The following IFNA5 variants were observed in gnomAD, a reference collection of about 807,000 sequenced individuals.
IFNA5 encodes interferon alpha-5.
For missense variants in IFNA5, 267 were observed against 213.8 expected (o/e 1.25, Z -1.55); for synonymous variants, 95 against 77.6 (o/e 1.22, Z -1.18).
Position 21,304,632 on chromosome 9 carries a change from G to C in IFNA5, c.*55C>G. 6.5e-7 allele frequency: 1 copy of C among 1,528,538 alleles called. No homozygotes were observed. The highest frequency in any genetic ancestry group is 8.8e-7 in the Non-Finnish European group (1 of 1,130,476). The allele number at this position is 1,528,538 out of a possible 1,614,324, so 94.7% of individuals were successfully genotyped here. A position where few individuals can be genotyped will look rare whatever the true frequency, so the allele number is the denominator to read the frequency against. ...TAATATTTGAAACGGCAGAACTCAA[G>C]AAGTGTGAAATGGTGTACTAGTCAA... On this transcript the variant is annotated 3_prime_UTR_variant, in exon 1 of 1. Coordinates refer to ENST00000610521, the MANE Select transcript of IFNA5 (RefSeq NM_002169.3).
Position 21,304,503 on chromosome 9 carries a change from C to A in IFNA5, c.*184G>T. 1 of 535,476 alleles carries A rather than the reference C, an allele frequency of 1.9e-6. No homozygotes were observed. Among genetic ancestry groups the A allele is most frequent in the Non-Finnish European group, 3.2e-6 (1 of 311,622 alleles). 33.2% of individuals were successfully genotyped at this position (535,476 alleles called of 1,614,324 possible). A position where few individuals can be genotyped will look rare whatever the true frequency, so the allele number is the denominator to read the frequency against. On this transcript the variant is annotated 3_prime_UTR_variant, in exon 1 of 1. Coordinates refer to ENST00000610521, the MANE Select transcript of IFNA5 (RefSeq NM_002169.3). ...GATAGAATAGATAGATTGGCATGAT[C>A]ATCTGTAAAGATTTTGTCCCTGTGG...
chr9:21,305,192 A>T lies in IFNA5; in HGVS notation c.65T>A (p.Leu22Gln), dbSNP rs773143683. 1.2e-6 allele frequency: 2 copies of T among 1,613,018 alleles called. No homozygotes were observed. Among genetic ancestry groups the T allele is most frequent in the Non-Finnish European group, 1.7e-6 (2 of 1,179,496 alleles). ...VVLNCKSICSLGCDLPQTHSL... is the reference protein window; with the variant it reads ...VVLNCKSICSQGCDLPQTHSL... The stretch of plus-strand genomic sequence containing the variant: ...GTGGGTCTGAGGCAGATCACAGCCC[A>T]GAGAACAGATTGACTTGCAGTTGAG... The change falls in exon 1 of 1, where the codon CTG becomes CAG. Residue 22 changes from leucine (L) to glutamine (Q), a missense_variant. Transcript: ENST00000610521.
rs772052257 is a variant in IFNA5 at position 21,305,189 on chromosome 9, C to A, written c.68G>T (p.Gly23Val). The change falls in exon 1 of 1, where the codon GGC (glycine) becomes GTC (valine). Residue 23 changes from glycine (G) to valine (V), a missense_variant. Physicochemically the swap from Gly to Val is moderately radical, Grantham distance 109. Transcript: ENST00000610521. ...VLNCKSICSL[G>V]CDLPQTHSLS... ...GCTGTGGGTCTGAGGCAGATCACAG[C>A]CCAGAGAACAGATTGACTTGCAGTT... 6.2e-7 allele frequency: 1 copy of A among 1,612,948 alleles called. No homozygotes were observed. Among genetic ancestry groups the A allele is most frequent in the Non-Finnish European group, 8.5e-7 (1 of 1,179,452 alleles).
chr9:21,304,615 G>T lies in IFNA5; in HGVS notation c.*72C>A. Reference sequence around the variant, plus strand: ...ATGGATATAGCAGAAATTAATATTTGAAACGGCAGAACTCAAGAAGTGTGA... The same window carrying T: ...ATGGATATAGCAGAAATTAATATTTTAAACGGCAGAACTCAAGAAGTGTGA... On this transcript the variant is annotated 3_prime_UTR_variant, in exon 1 of 1. Transcript: ENST00000610521. 6.7e-7 allele frequency: 1 copy of T among 1,483,956 alleles called. No individual in the cohort carries two copies. The highest frequency in any genetic ancestry group is 9.1e-7 in the Non-Finnish European group (1 of 1,098,908). The allele number at this position is 1,483,956 out of a possible 1,614,324, so 91.9% of individuals were successfully genotyped here.
At position 21,304,997 on chromosome 9, in the gene IFNA5, G is replaced by A. The variant is rs751142857; in HGVS notation, c.260C>T (p.Thr87Ile). Residue 87 changes from threonine to isoleucine, a missense_variant, in exon 1 of 1, where the codon ACC becomes ATC. By Grantham distance (89) the Thr-to-Ile change is moderately conservative (BLOSUM62 -1). Coordinates refer to ENST00000610521, the MANE Select transcript of IFNA5 (RefSeq NM_002169.3). ...GTCCTTTGTGCTGAAGAGATTGAAG[G>A]TCTGCTGGATCATCTCATGGAGGAC... Reference protein sequence around the residue: ...ISVLHEMIQQTFNLFSTKDSS... With the variant: ...ISVLHEMIQQIFNLFSTKDSS... 3.7e-6 allele frequency: 6 copies of A among 1,614,048 alleles called. No individual in the cohort carries two copies. The African/African-American group carries it at 5.3e-5, about 14-fold the overall frequency.
rs1336153752 is a variant in IFNA5 at position 21,304,943 on chromosome 9, A to G, written c.314T>C (p.Leu105Pro). 9 of 1,614,062 alleles carry G rather than the reference A, an allele frequency of 5.6e-6. No individual in the cohort carries two copies. Among genetic ancestry groups the G allele is most frequent in the Non-Finnish European group, 7.6e-6 (9 of 1,180,052 alleles). Residue 105 changes from leucine (L) to proline (P), a missense_variant, in exon 1 of 1, where the codon CTA (leucine) becomes CCA (proline). Physicochemically the swap from Leu to Pro is moderately conservative, Grantham distance 98. Transcript: ENST00000610521. ...DSSATWDETLLDKFYTELYQQ... is the reference protein window; with the variant it reads ...DSSATWDETLPDKFYTELYQQ... ...GTAAAGTTCAGTGTAGAATTTGTCT[A>G]GAAGTGTCTCATCCCAAGTAGCAGA...
At position 21,304,718 on chromosome 9, in the gene IFNA5, T is replaced by A. The variant is rs1335529160; in HGVS notation, c.539A>T (p.Asn180Ile). Reference protein sequence around the residue: ...EIMRSFSLSANLQERLRRKE With the variant: ...EIMRSFSLSAILQERLRRKE Reference sequence around the variant, plus strand: ...CTTCCTCCTTAATCTTTCTTGCAAGTTTGCTGATAAAGAGAAGGATCTCAT... The same window carrying A: ...CTTCCTCCTTAATCTTTCTTGCAAGATTGCTGATAAAGAGAAGGATCTCAT... Residue 180 changes from asparagine to isoleucine, a missense_variant, in exon 1 of 1, where the codon AAC (asparagine) becomes ATC (isoleucine). By Grantham distance (149) the Asn-to-Ile change is moderately radical (BLOSUM62 -3). Coordinates refer to ENST00000610521, the MANE Select transcript of IFNA5 (RefSeq NM_002169.3). The A allele has an allele frequency of 6.2e-7, 1 of 1,612,276 alleles. No homozygotes were observed. Among genetic ancestry groups the A allele is most frequent in the Non-Finnish European group, 8.5e-7 (1 of 1,179,680 alleles).
Position 21,304,724 on chromosome 9 carries a change from G to A in IFNA5, c.533C>T (p.Ser178Leu). The change falls in exon 1 of 1, where the codon TCA becomes TTA. Residue 178 changes from serine to leucine, a missense_variant. Physicochemically the swap from Ser to Leu is moderately radical, Grantham distance 145. Transcript: ENST00000610521. Reference sequence around the variant, plus strand: ...CCTTAATCTTTCTTGCAAGTTTGCTGATAAAGAGAAGGATCTCATGATTTC... The same window carrying A: ...CCTTAATCTTTCTTGCAAGTTTGCTAATAAAGAGAAGGATCTCATGATTTC... ...RAEIMRSFSL[S>L]ANLQERLRRK... The A allele has an allele frequency of 6.2e-7, 1 of 1,612,420 alleles. No homozygotes were observed. The highest frequency in any genetic ancestry group is 1.3e-5 in the African/African-American group (1 of 74,908).
In IFNA5 at chr9:21,304,624, G is replaced by C; in HGVS notation, c.*63C>G. On this transcript the variant is annotated 3_prime_UTR_variant, in exon 1 of 1. Coordinates refer to ENST00000610521, the MANE Select transcript of IFNA5 (RefSeq NM_002169.3). ...GCAGAAATTAATATTTGAAACGGCA[G>C]AACTCAAGAAGTGTGAAATGGTGTA... The C allele has an allele frequency of 6.6e-7, 1 of 1,508,820 alleles. No individual in the cohort carries two copies. The allele number at this position is 1,508,820 out of a possible 1,614,324, so 93.5% of individuals were successfully genotyped here.
rs1819810131 is a variant in IFNA5, at chr9:21,304,507, TG to T, written c.*179del. On this transcript the variant is annotated 3_prime_UTR_variant, in exon 1 of 1. Coordinates refer to ENST00000610521, the MANE Select transcript of IFNA5 (RefSeq NM_002169.3). ...GAATAGATAGATTGGCATGATCATC[TG>T]TAAAGATTTTGTCCCTGTGGAGCTA... is the stretch of plus-strand genomic sequence containing the variant. The T allele has an allele frequency of 1.8e-6, 1 of 561,094 alleles. No individual in the cohort carries two copies. The allele number at this position is 561,094 out of a possible 1,614,324, so 34.8% of individuals were successfully genotyped here.
rs1412258436 is a variant in IFNA5, at chr9:21,304,494, T to A, written c.*193A>T. ...AGATAAATAGATAGAATAGATAGAT[T>A]GGCATGATCATCTGTAAAGATTTTG... On this transcript the variant is annotated 3_prime_UTR_variant, in exon 1 of 1. Coordinates refer to ENST00000610521, the MANE Select transcript of IFNA5 (RefSeq NM_002169.3). 1.0e-5 allele frequency: 5 copies of A among 489,706 alleles called. No homozygotes were observed. Among genetic ancestry groups the A allele is most frequent in the Non-Finnish European group, 1.8e-5 (5 of 280,856 alleles). The allele number at this position is 489,706 out of a possible 1,614,324, so 30.3% of individuals were successfully genotyped here.
In IFNA5 at chr9:21,304,866, C is replaced by G. The variant is rs770468406; in HGVS notation, c.391G>C (p.Asp131His). Reference sequence around the variant, plus strand: ...GAGTCCACATTCATCAGAGGAGTGTCTTCCACTCCAACCTCCTGCATCATA... The same window carrying G: ...GAGTCCACATTCATCAGAGGAGTGTGTTCCACTCCAACCTCCTGCATCATA... Reference protein sequence around the residue: ...ACMMQEVGVEDTPLMNVDSIL... With the variant: ...ACMMQEVGVEHTPLMNVDSIL... The change falls in exon 1 of 1, where the codon GAC becomes CAC. Residue 131 changes from aspartate to histidine, a missense_variant. Transcript: ENST00000610521. 9 of 1,614,166 alleles carry G rather than the reference C, an allele frequency of 5.6e-6. No individual in the cohort carries two copies. The highest frequency in any genetic ancestry group is 7.6e-6 in the Non-Finnish European group (9 of 1,180,012).
At position 21,305,048 on chromosome 9, in the gene IFNA5, T is replaced by A. The variant is rs1296193550; in HGVS notation, c.209A>T (p.Gln70Leu). The A allele has an allele frequency of 6.2e-7, 1 of 1,614,232 alleles. No individual in the cohort carries two copies. Among genetic ancestry groups the A allele is most frequent in the African/African-American group, 1.3e-5 (1 of 75,066 alleles). ...GFPQEEFDGN[Q>L]FQKAQAISVL... is the part of the protein sequence containing the mutation. ...AGAGATGGCTTGAGCCTTCTGGAACTGGTTGCCATCAAACTCCTCCTGAGG... is the reference window on the plus strand; with the variant it reads ...AGAGATGGCTTGAGCCTTCTGGAACAGGTTGCCATCAAACTCCTCCTGAGG... Residue 70 changes from glutamine (Q) to leucine (L), a missense_variant, in exon 1 of 1, where the codon CAG becomes CTG. Gln to Leu is a moderately radical substitution (Grantham distance 113, BLOSUM62 -2). Coordinates refer to ENST00000610521, the MANE Select transcript of IFNA5 (RefSeq NM_002169.3).
Position 21,305,284 on chromosome 9 carries a change from G to T in IFNA5, c.-28C>A, listed in dbSNP as rs374113008. 35 of 1,541,286 alleles carry T rather than the reference G, an allele frequency of 2.3e-5. No homozygotes were observed. In the African/African-American group the frequency reaches 4.7e-4, roughly 21 times the overall value. On this transcript the variant is annotated 5_prime_UTR_variant, in exon 1 of 1. Transcript: ENST00000610521. ...GGGAGGTTGCAGATGCTTCTGGGCT[G>T]TTGAGATTGAGTGACCCTGAACCTT...
rs1444880455 is a variant in IFNA5, at chr9:21,305,243, A to G, written c.14T>C (p.Phe5Ser). The change falls in exon 1 of 1, where the codon TTT becomes TCT. Residue 5 changes from phenylalanine to serine, a missense_variant. Phe to Ser is a radical substitution (Grantham distance 155). Coordinates refer to ENST00000610521, the MANE Select transcript of IFNA5 (RefSeq NM_002169.3). ...CACCACCAGGGCCATCAGTAAAACAAAGGGCAAGGCCATTGGGGAGGTTGC... is the reference window on the plus strand; with the variant it reads ...CACCACCAGGGCCATCAGTAAAACAGAGGGCAAGGCCATTGGGGAGGTTGC... Reference protein sequence around the residue: MALPFVLLMALVVLN... With the variant: MALPSVLLMALVVLN... 6.3e-7 allele frequency: 1 copy of G among 1,597,956 alleles called. No individual in the cohort carries two copies. The highest frequency in any genetic ancestry group is 1.1e-5 in the South Asian group (1 of 87,198).
chr9:21,305,279 G>A lies in IFNA5; in HGVS notation c.-23C>T. On this transcript the variant is annotated 5_prime_UTR_variant, in exon 1 of 1. Coordinates refer to ENST00000610521, the MANE Select transcript of IFNA5 (RefSeq NM_002169.3). ...CATTGGGGAGGTTGCAGATGCTTCTGGGCTGTTGAGATTGAGTGACCCTGA... is the reference window on the plus strand; with the variant it reads ...CATTGGGGAGGTTGCAGATGCTTCTAGGCTGTTGAGATTGAGTGACCCTGA... The A allele has an allele frequency of 1.9e-6, 3 of 1,550,614 alleles. No individual in the cohort carries two copies. Among genetic ancestry groups the A allele is most frequent in the Non-Finnish European group, 2.6e-6 (3 of 1,151,996 alleles).
At position 21,304,447 on chromosome 9, in the gene IFNA5, A is replaced by T. The variant is rs1819808629; in HGVS notation, c.*240T>A. On this transcript the variant is annotated 3_prime_UTR_variant, in exon 1 of 1. Coordinates refer to ENST00000610521, the MANE Select transcript of IFNA5 (RefSeq NM_002169.3). ...TATAAATAAATAAATATTTAAATAG[A>T]TTAGATAGAAGACAGACAGATAGAT... The T allele has an allele frequency of 1.9e-5, 4 of 207,018 alleles. No individual in the cohort carries two copies. In the Admixed American group the frequency reaches 2.3e-4, roughly 12 times the overall value. 12.8% of individuals were successfully genotyped at this position (207,018 alleles called of 1,614,324 possible).
At position 21,304,902 on chromosome 9, in the gene IFNA5, G is replaced by T. The variant is rs1158220307; in HGVS notation, c.355C>A (p.Leu119Met). The change falls in exon 1 of 1, where the codon CTG becomes ATG. Residue 119 changes from leucine (L) to methionine (M), a missense_variant. Transcript: ENST00000610521. ...YTELYQQLND[L>M]EACMMQEVGV... is the part of the protein sequence containing the mutation. ...ACCTCCTGCATCATACAGGCTTCCA[G>T]GTCATTCAGCTGCTGGTAAAGTTCA... is the stretch of plus-strand genomic sequence containing the variant. The T allele has an allele frequency of 6.2e-7, 1 of 1,614,158 alleles. No homozygotes were observed. Among genetic ancestry groups the T allele is most frequent in the Non-Finnish European group, 8.5e-7 (1 of 1,180,038 alleles).
Position 21,305,078 on chromosome 9 carries a change from C to T in IFNA5, c.179G>A (p.Gly60Glu), listed in dbSNP as rs1819826704. Residue 60 changes from glycine to glutamate, a missense_variant, in exon 1 of 1, where the codon GGA becomes GAA. Coordinates refer to ENST00000610521, the MANE Select transcript of IFNA5 (RefSeq NM_002169.3). Reference protein sequence around the residue: ...FSCLKDRHDFGFPQEEFDGNQ... With the variant: ...FSCLKDRHDFEFPQEEFDGNQ... ...GCCATCAAACTCCTCCTGAGGAAAT[C>T]CAAAGTCATGTCTGTCCTTCAGGCA... is the stretch of plus-strand genomic sequence containing the variant. 6 of 1,614,070 alleles carry T rather than the reference C, an allele frequency of 3.7e-6. No individual in the cohort carries two copies. Among genetic ancestry groups the T allele is most frequent in the Non-Finnish European group, 5.1e-6 (6 of 1,180,050 alleles).
Sources: allele counts gnomAD v4.1 joint callset, GRCh38; gene constraint gnomAD v4.1.1; transcripts MANE v1.5; gene names NCBI Gene and HGNC (gene_info 2026-07-23, HGNC 2026-07-21).